Variants in MCTP1 observed in about 807,000 individuals in gnomAD.
The protein encoded by MCTP1 is multiple C2 and transmembrane domain-containing protein 1.
A neutral mutation model predicts 120.6 loss-of-function variants in MCTP1; 69 were observed. The ratio of observed to expected loss-of-function variants is 0.57; its 90% CI spans 0.47 to 0.70. The LOEUF is 0.70. Among genes scored for constraint, MCTP1 ranks in the 30% least tolerant of loss-of-function variants. The pLI, the probability that MCTP1 is intolerant of heterozygous loss-of-function variation, is 0.00. For missense variants in MCTP1, 1,203 were observed against 1,248.8 expected (o/e 0.96, Z 0.55); for synonymous variants, 529 against 493.1 (o/e 1.07, Z -0.96).
intron 1 of MCTP1, among the ~76,000 whole-genome samples, chr5:95,184,368 A>G (rs1218688019): frequency 1.3e-5 from 2 of 152,234 alleles, no homozygotes; most frequent in Non-Finnish European, 2.9e-5. Context: ...ATTTCACTGG[A>G]GAATTTTACC....
chr5:95,063,422 C>T (rs1749776714), intron 1 of MCTP1, among the ~76,000 whole-genome samples: 4 of 152,116 alleles, frequency 2.6e-5, no homozygotes, highest in Admixed American at 2.6e-4. Context: ...TCTTAAAGAA[C>T]ATGTAAGCTG....
chr5:95,193,668 C>G (rs1750067213), intron 1 of MCTP1, among the ~76,000 whole-genome samples: 1 of 151,854 alleles, frequency 6.6e-6, no homozygotes, highest in Admixed American at 6.6e-5. Context: ...AAGGAGCATA[C>G]AAGTAGAGAA....
Position 94,707,465 on chromosome 5 carries a change from A to G in MCTP1, c.*31T>C, listed in dbSNP as rs1470909937. 2 of 1,540,830 alleles carry G rather than the reference A, an allele frequency of 1.3e-6. No homozygotes were observed. The highest frequency in any genetic ancestry group is 1.8e-6 in the Non-Finnish European group (2 of 1,120,934). ...GGCTTTTTCTTTTATCTTCCCAAAC[A>G]GATGCTGGTCTCCTCAGTGCTGGGA... On this transcript the variant is annotated 3_prime_UTR_variant, in exon 23 of 23. Coordinates refer to ENST00000515393, the MANE Select transcript of MCTP1 (RefSeq NM_024717.7).
At chr5:94,832,259 A>G (rs1340224867) in intron 17 of MCTP1, among the ~76,000 whole-genome samples, 2 of 108,994 alleles carry the variant, frequency 1.8e-5, no homozygotes, top group Non-Finnish European at 5.3e-5. Context: ...GTTCTAAACT[A>G]GATTAAGAGA....
chr5:95,172,652 G>C (rs184129933), intron 1 of MCTP1, among the ~76,000 whole-genome samples: 192 of 152,062 alleles, frequency 1.3e-3, no homozygotes, highest in African/African-American at 4.5e-3. Context: ...GCTCTACCAA[G>C]ATGTGAATTT....
chr5:95,268,149 T>C (rs1208391900), intron 1 of MCTP1, among the ~76,000 whole-genome samples: 3 of 152,250 alleles, frequency 2.0e-5, no homozygotes, highest in East Asian at 1.9e-4. Flanking sequence ...ACAATTTGCA[T>C]ATTTTTTAAT....
intron 13 of MCTP1, 82 bp from the exon 14 acceptor site, chr5:94,871,499 T>C (rs1581129098): frequency 3.3e-6 from 3 of 913,900 alleles, no homozygotes; most frequent in East Asian, 2.6e-5. Flanking sequence ...TTTAGATAGC[T>C]CCAGCTGATT....
Position 95,243,151 on chromosome 5 carries a change from G to A in MCTP1, c.720+40705C>T, listed in dbSNP as rs373231802. ...TGATGATGTGATCAGGACAAACTAC[G>A]AAAGTAACGGATAAGTAGAATTCAC... On this transcript the variant is annotated intron_variant, in intron 1 of 22. Coordinates refer to ENST00000515393, the MANE Select transcript of MCTP1 (RefSeq NM_024717.7). Among the ~76,000 whole-genome samples the A allele has an allele frequency of 7.6e-4, 116 of 152,192 alleles. 3 individuals carry two copies. The South Asian group carries it at 0.023, about 30-fold the overall frequency.
intron 1 of MCTP1, among the ~76,000 whole-genome samples, chr5:95,115,513 T>G (rs1437503291): frequency 6.6e-6 from 1 of 151,966 alleles, no homozygotes; most frequent in Non-Finnish European, 1.5e-5. Flanking sequence ...TCAGAGTCTT[T>G]TAATAGCAGA....
chr5:94,807,242 G>A (rs1391200486), intron 17 of MCTP1, among the ~76,000 whole-genome samples: 1 of 152,138 alleles, frequency 6.6e-6, no homozygotes, highest in Non-Finnish European at 1.5e-5. Context: ...AAATTAGAAA[G>A]ATAACAAATA....
intron 1 of MCTP1, among the ~76,000 whole-genome samples, chr5:95,282,144 T>C (rs1204788364): frequency 6.6e-6 from 1 of 152,270 alleles, no homozygotes; most frequent in Non-Finnish European, 1.5e-5. Context: ...CATAATAGTG[T>C]TAATTTAGTA....
intron 1 of MCTP1, among the ~76,000 whole-genome samples, chr5:95,040,987 G>A (rs541691468): frequency 1.0e-3 from 159 of 152,222 alleles, no homozygotes; most frequent in Middle Eastern, 3.4e-3. Flanking sequence ...CTAGATTCTT[G>A]TGACTTTTGG....
chr5:95,188,842 A>G (rs2152528458), intron 1 of MCTP1, among the ~76,000 whole-genome samples: 1 of 152,260 alleles, frequency 6.6e-6, no homozygotes, highest in Middle Eastern at 3.4e-3. Flanking sequence ...TAAAACTGGG[A>G]AATCTAAATA....
At chr5:94,819,191 C>T (rs1033454213) in intron 17 of MCTP1, among the ~76,000 whole-genome samples, 14 of 151,864 alleles carry the variant, frequency 9.2e-5, no homozygotes, top group Admixed American at 6.6e-4. Flanking sequence ...TACAATGGCA[C>T]GATCTCGGCT....
At chr5:94,717,881 G>C (rs1313031714) in intron 19 of MCTP1, among the ~76,000 whole-genome samples, 2 of 151,888 alleles carry the variant, frequency 1.3e-5, no homozygotes, top group Admixed American at 1.3e-4. Context: ...GGACACAAAT[G>C]GGAAAATATT....
At chr5:94,869,981 G>A (rs1797526090) in intron 16 of MCTP1, among the ~76,000 whole-genome samples, 1 of 152,090 alleles carries the variant, frequency 6.6e-6, no homozygotes, top group African/African-American at 2.4e-5. Context: ...TTAGAGGGAA[G>A]AGCTTATACT....
chr5:95,056,551 T>C (rs971830862), intron 1 of MCTP1, among the ~76,000 whole-genome samples: 1 of 152,200 alleles, frequency 6.6e-6, no homozygotes, highest in Non-Finnish European at 1.5e-5. Flanking sequence ...ATTCATACTA[T>C]AGATGTAATT....
At chr5:95,276,024 T>C (rs1482120255) in intron 1 of MCTP1, among the ~76,000 whole-genome samples, 1 of 152,062 alleles carries the variant, frequency 6.6e-6, no homozygotes, top group Non-Finnish European at 1.5e-5. Flanking sequence ...TCTAGTCTAG[T>C]CCTCCATGGG....
intron 20 of MCTP1, 25 bp from the exon 21 acceptor site, chr5:94,710,952 C>T: frequency 6.9e-7 from 1 of 1,455,544 alleles, no homozygotes; most frequent in Non-Finnish European, 9.6e-7. Flanking sequence ...AACACATCAG[C>T]AATCTGAGTA....
Sources: allele counts gnomAD v4.1 joint callset (sites outside exome capture counted in the v4.1 genomes callset), GRCh38; gene constraint gnomAD v4.1.1; transcripts MANE v1.5; gene names NCBI Gene and HGNC (gene_info 2026-07-23, HGNC 2026-07-21).